Variants in GALNT13 observed in about 807,000 individuals in gnomAD.
GALNT13 encodes polypeptide N-acetylgalactosaminyltransferase 13.
Under a neutral mutation model 64.2 loss-of-function variants are expected in GALNT13, and 28 were observed. That is an observed-to-expected ratio of 0.44 (90% CI 0.32 to 0.60). GALNT13 has a LOEUF of 0.60. GALNT13 is among the 20% of genes least tolerant of loss of function. The pLI, the probability that GALNT13 is intolerant of heterozygous loss-of-function variation, is 0.05. For missense variants in GALNT13, 577 were observed against 669.8 expected (o/e 0.86, Z 1.53); for synonymous variants, 214 against 224.6 (o/e 0.95, Z 0.42).
the GALNT13 span, among the ~76,000 whole-genome samples, chr2:153,155,190 G>C: frequency 1.8e-4 from 27 of 151,808 alleles, no homozygotes; most frequent in Non-Finnish European, 3.2e-4. Context: ...GAAGTTTTCT[G>C]TTTCTGTGTG....
chr2:153,169,176 A>G, the GALNT13 span, among the ~76,000 whole-genome samples: 1 of 152,242 alleles, frequency 6.6e-6, no homozygotes, highest in Non-Finnish European at 1.5e-5. Flanking sequence ...AGCCCTGCCT[A>G]GGTCAATAGC....
In GALNT13 at chr2:154,115,625, C is replaced by T. The variant is rs181896235; in HGVS notation, c.143-24712C>T. Among the ~76,000 whole-genome samples the T allele has an allele frequency of 2.0e-3, 297 of 152,074 alleles. 2 individuals are homozygous for T. The highest frequency in any genetic ancestry group is 1.8e-3 in the Non-Finnish European group (119 of 67,962). ...TAGTAGAGATGATGTTTTCCCATAT[C>T]GGTTAGTCTGGTCTTGAACTCCTGA... is the stretch of plus-strand genomic sequence containing the variant. On this transcript the variant is annotated intron_variant, in intron 3 of 12. Transcript: ENST00000392825.
chr2:153,689,226 A>C, the GALNT13 span, among the ~76,000 whole-genome samples: 4 of 152,086 alleles, frequency 2.6e-5, no homozygotes, highest in South Asian at 2.1e-4. Context: ...AAAACTTTGT[A>C]TTCCCATTTT....
the GALNT13 span, among the ~76,000 whole-genome samples, chr2:153,619,560 T>C: frequency 7.9e-5 from 12 of 152,252 alleles, 1 homozygote; most frequent in African/African-American, 2.9e-4. Context: ...TTTTCTTTCT[T>C]ATTAAAGTAC....
At chr2:154,184,348 C>T (rs1008835857) in intron 4 of GALNT13, among the ~76,000 whole-genome samples, 2 of 151,974 alleles carry the variant, frequency 1.3e-5, no homozygotes, top group African/African-American at 2.4e-5. Flanking sequence ...CATTCAGTGA[C>T]TCTCTGTGTT....
intron 8 of GALNT13, 61 bp downstream of exon 8, chr2:154,259,199 C>T: frequency 1.1e-6 from 1 of 875,642 alleles, no homozygotes; most frequent in South Asian, 1.5e-5. Flanking sequence ...ATGCACATAC[C>T]AGTCCCAGTA....
chr2:154,089,778 C>T (rs1701711781), intron 3 of GALNT13, among the ~76,000 whole-genome samples: 1 of 150,488 alleles, frequency 6.6e-6, no homozygotes, highest in African/African-American at 2.4e-5. Flanking sequence ...TCTTCCTTTA[C>T]TGTCTGCTCT....
intron 3 of GALNT13, among the ~76,000 whole-genome samples, chr2:154,113,211 T>A (rs1355179934): frequency 1.2e-5 from 1 of 84,822 alleles, no homozygotes; most frequent in Non-Finnish European, 2.3e-5. Flanking sequence ...GACTCTGCTC[T>A]GATCCACCTA....
chr2:154,242,967 T>C (rs1411002035), intron 6 of GALNT13, 62 bp downstream of exon 6: 3 of 1,310,488 alleles, frequency 2.3e-6, no homozygotes, highest in Non-Finnish European at 3.2e-6. Context: ...CAGTTCCAGA[T>C]GTCCATCAGA....
chr2:153,438,059 G>A, the GALNT13 span, among the ~76,000 whole-genome samples: 1 of 152,176 alleles, frequency 6.6e-6, no homozygotes, highest in African/African-American at 2.4e-5. Context: ...TGTCTGTAAA[G>A]TATTTTATTT....
At chr2:153,446,467 G>A in the GALNT13 span, among the ~76,000 whole-genome samples, 1 of 152,086 alleles carries the variant, frequency 6.6e-6, no homozygotes, top group Non-Finnish European at 1.5e-5. Context: ...ATCTAGGAAG[G>A]CTTGGACTTG....
intron 8 of GALNT13, among the ~76,000 whole-genome samples, chr2:154,284,327 T>C (rs1317902768): frequency 6.6e-6 from 1 of 152,126 alleles, no homozygotes; most frequent in Non-Finnish European, 1.5e-5. Context: ...GATTGACTCT[T>C]CTAGATTCCT....
chr2:154,069,755 A>G (rs1255876158), intron 3 of GALNT13, among the ~76,000 whole-genome samples: 1 of 152,104 alleles, frequency 6.6e-6, no homozygotes, highest in Non-Finnish European at 1.5e-5. Context: ...GAATAGACCA[A>G]CACCTATACA....
downstream of GALNT13, among the ~76,000 whole-genome samples, chr2:154,456,503 T>C (rs1354737725): frequency 1.3e-5 from 2 of 152,092 alleles, no homozygotes; most frequent in East Asian, 3.9e-4. Flanking sequence ...TATTTTATGC[T>C]TAACCTCCAT....
chr2:154,271,466 G>A (rs895706177), intron 8 of GALNT13, among the ~76,000 whole-genome samples: 3 of 151,954 alleles, frequency 2.0e-5, no homozygotes, highest in Non-Finnish European at 4.4e-5. Flanking sequence ...TTTGAACTGA[G>A]TGTTAAAGAA....
At chr2:153,284,139 G>A in the GALNT13 span, among the ~76,000 whole-genome samples, 2 of 152,134 alleles carry the variant, frequency 1.3e-5, no homozygotes, top group African/African-American at 4.8e-5. Context: ...GTTTTGCCTG[G>A]GGGTGAAATG....
the GALNT13 span, among the ~76,000 whole-genome samples, chr2:153,090,744 G>A: frequency 3.7e-4 from 56 of 152,132 alleles, no homozygotes; most frequent in Non-Finnish European, 5.7e-4. Context: ...TCAAGTGGGG[G>A]CAGGGTTAGG....
At chr2:153,497,324 T>C in the GALNT13 span, among the ~76,000 whole-genome samples, 1 of 152,034 alleles carries the variant, frequency 6.6e-6, no homozygotes, top group African/African-American at 2.4e-5. Context: ...GCTGTTTCTT[T>C]TGGGGCTGGT....
Position 154,162,574 on chromosome 2 carries a change from C to T in GALNT13, c.311+22069C>T, listed in dbSNP as rs980385402. ...CAACACCATGTCTTCATATTCATTT[C>T]GAATGAGATGGGGGTAGACAGAGAT... is the stretch of plus-strand genomic sequence containing the variant. On this transcript the variant is annotated intron_variant, in intron 4 of 12. Transcript: ENST00000392825. 5.3e-5 allele frequency among the ~76,000 whole-genome samples: 8 copies of T among 152,158 alleles called. No homozygotes were observed. The South Asian group carries it at 6.2e-4, about 12-fold the overall frequency.
Sources: gnomAD v4.1 joint callset for allele counts (sites outside exome capture counted in the v4.1 genomes callset) on GRCh38, gnomAD v4.1.1 for gene constraint, MANE v1.5 for transcripts, NCBI Gene and HGNC (gene_info 2026-07-23, HGNC 2026-07-21) for gene names.